CSNK2A2: variants seen among roughly 807,000 people sequenced by gnomAD.
The protein encoded by CSNK2A2 is casein kinase II subunit alpha'.
CSNK2A2 carries 8 observed loss-of-function variants against 54.0 expected under a neutral mutation model. That is an observed-to-expected ratio of 0.15 (90% confidence interval 0.09 to 0.27). The LOEUF is 0.27. Ranked by LOEUF, CSNK2A2 falls within the 10% of genes least tolerant of loss-of-function variation. The pLI is 1.00. For missense variants in CSNK2A2, 242 were observed against 439.4 expected (o/e 0.55, Z 4.02); for synonymous variants, 141 against 153.9 (o/e 0.92, Z 0.62).
chr16:58,187,910 G>A (rs1287610694), intron 2 of CSNK2A2, among the ~76,000 whole-genome samples: 1 of 152,196 alleles, frequency 6.6e-6, no homozygotes, highest in Non-Finnish European at 1.5e-5. Context: ...TGTGGCTAAC[G>A]GGAGAAACGT....
chr16:58,172,687 T>C (rs562872044), intron 5 of CSNK2A2, among the ~76,000 whole-genome samples: 1 of 152,398 alleles, frequency 6.6e-6, no homozygotes, highest in African/African-American at 2.4e-5. Context: ...TCGGACTCCC[T>C]ATGGAGTTAC....
At chr16:58,167,162 G>A (rs750524461) in intron 8 of CSNK2A2, 45 bp downstream of exon 8, 1 of 1,364,488 alleles carries the variant, frequency 7.3e-7, no homozygotes, top group Non-Finnish European at 1.0e-6. Flanking sequence ...CTATTTTTTT[G>A]GCATTCACCC....
chr16:58,190,359 C>T (rs1230995574), intron 2 of CSNK2A2, among the ~76,000 whole-genome samples: 2 of 151,996 alleles, frequency 1.3e-5, no homozygotes, highest in African/African-American at 4.8e-5. Context: ...ACTCTACTAC[C>T]AAACTAACAA....
intron 2 of CSNK2A2, among the ~76,000 whole-genome samples, chr16:58,188,791 GGT>G (rs1026940110): frequency 2.6e-5 from 4 of 152,078 alleles, no homozygotes; most frequent in Admixed American, 6.5e-5. Flanking sequence ...TCATTATATA[GGT>G]GTGTGTATAT....
chr16:58,172,597 T>G (rs1430721777), intron 5 of CSNK2A2, among the ~76,000 whole-genome samples: 4 of 152,232 alleles, frequency 2.6e-5, no homozygotes, highest in Non-Finnish European at 2.9e-5. Context: ...CCACAATACC[T>G]GGCATGTGAA....
chr16:58,194,665 T>C (rs1597127324), intron 2 of CSNK2A2, among the ~76,000 whole-genome samples: 2 of 152,222 alleles, frequency 1.3e-5, no homozygotes, highest in Admixed American at 1.3e-4. Context: ...GTAAGAGATA[T>C]GAAGAAATAG....
intron 2 of CSNK2A2, among the ~76,000 whole-genome samples, chr16:58,191,293 T>C (rs1962315380): frequency 6.6e-6 from 1 of 152,180 alleles, no homozygotes; most frequent in African/African-American, 2.4e-5. Flanking sequence ...TGGACGGCAG[T>C]GATGGTTGCA....
intron 4 of CSNK2A2, among the ~76,000 whole-genome samples, chr16:58,181,036 AATG>A (rs1962025819): frequency 1.3e-5 from 2 of 152,230 alleles, no homozygotes; most frequent in South Asian, 4.1e-4. Context: ...TCTGATATTT[AATG>A]ATCTCTTGAT....
chr16:58,194,924 T>A (rs1597127488), intron 2 of CSNK2A2, among the ~76,000 whole-genome samples: 1 of 145,540 alleles, frequency 6.9e-6, no homozygotes. Context: ...GCTGTTCCTT[T>A]AAAAAAAAAA....
intron 2 of CSNK2A2, among the ~76,000 whole-genome samples, chr16:58,188,316 C>A (rs887806962): frequency 6.6e-6 from 1 of 152,198 alleles, no homozygotes; most frequent in Non-Finnish European, 1.5e-5. Flanking sequence ...GCATGTTCCC[C>A]GACTCCACTT....
chr16:58,180,917 G>A (rs1962021485), intron 4 of CSNK2A2, among the ~76,000 whole-genome samples: 1 of 152,120 alleles, frequency 6.6e-6, no homozygotes, highest in African/African-American at 2.4e-5. Flanking sequence ...AAAGACTAAA[G>A]GACATCACGA....
intron 3 of CSNK2A2, among the ~76,000 whole-genome samples, chr16:58,185,349 G>A (rs1238787580): frequency 6.6e-6 from 1 of 152,182 alleles, no homozygotes; most frequent in Non-Finnish European, 1.5e-5. Context: ...TTCTCTCAAC[G>A]GGAGAATAGT....
Position 58,197,170 on chromosome 16 carries a change from C to A in CSNK2A2, c.105-326G>T, listed in dbSNP as rs1962478329. On this transcript the variant is annotated intron_variant, in intron 1 of 11. Transcript: ENST00000262506. The surrounding 1 kb of genome is among the most constrained non-coding windows in gnomAD (Gnocchi z 4.0). ...CCCCGCGGCTCCCCAGCACCTGCTT[C>A]TCGTTTCACATCTTCAAGGTAGACA... 1.8e-5 allele frequency: 6 copies of A among 340,400 alleles called. No homozygotes were observed. The South Asian group carries it at 2.3e-4, about 13-fold the overall frequency. The allele number at this position is 340,400 out of a possible 1,614,324, so 21.1% of individuals were successfully genotyped here. A position where few individuals can be genotyped will look rare whatever the true frequency, so the allele number is the denominator to read the frequency against.
At chr16:58,161,662 A>C (rs1961375908) in intron 11 of CSNK2A2, 2 of 152,132 alleles carry the variant, frequency 1.3e-5, no homozygotes. Context: ...TAGGTTTGGA[A>C]ACAAAAATGG....
rs997598672 is a variant in CSNK2A2, at chr16:58,197,190, T to C, written c.105-346A>G. 16 of 310,378 alleles carry C rather than the reference T, an allele frequency of 5.2e-5. No individual in the cohort carries two copies. The highest frequency in any genetic ancestry group is 3.1e-4 in the South Asian group (7 of 22,890). 19.2% of individuals were successfully genotyped at this position (310,378 alleles called of 1,614,324 possible). A position where few individuals can be genotyped will look rare whatever the true frequency, so the allele number is the denominator to read the frequency against. ...TGCTTCTCGTTTCACATCTTCAAGG[T>C]AGACAATGCCTGTTTTAAAAATCTG... On this transcript the variant is annotated intron_variant, in intron 1 of 11. Transcript: ENST00000262506. This position sits in a 1 kb window ranked among gnomAD's most constrained non-coding sequence, Gnocchi z 4.0.
intron 2 of CSNK2A2, among the ~76,000 whole-genome samples, chr16:58,187,513 C>T (rs1962220823): frequency 6.6e-6 from 1 of 152,194 alleles, no homozygotes; most frequent in East Asian, 1.9e-4. Context: ...TCTAACTTTT[C>T]AGTCTGCTGG....
At chr16:58,191,672 T>C (rs563511587) in intron 2 of CSNK2A2, among the ~76,000 whole-genome samples, 1 of 146,576 alleles carries the variant, frequency 6.8e-6, no homozygotes, top group Non-Finnish European at 1.5e-5. Context: ...CTATGTTACA[T>C]GTATTTTAAC....
intron 4 of CSNK2A2, among the ~76,000 whole-genome samples, chr16:58,181,874 A>G (rs960794780): frequency 5.3e-5 from 8 of 152,294 alleles, no homozygotes; most frequent in Non-Finnish European, 1.2e-4. Flanking sequence ...GCAAATGAGA[A>G]AATCCTAAAA....
intron 4 of CSNK2A2, among the ~76,000 whole-genome samples, chr16:58,174,755 A>C (rs905233752): frequency 1.3e-5 from 2 of 152,234 alleles, no homozygotes; most frequent in African/African-American, 2.4e-5. Flanking sequence ...GCCAACTCAG[A>C]TCTTTCCTAT....
Sources: gnomAD v4.1 joint callset for allele counts (sites outside exome capture counted in the v4.1 genomes callset) on GRCh38, gnomAD v4.1.1 for gene constraint, Gnocchi (gnomAD v3.1) non-coding constraint, MANE v1.5 for transcripts, NCBI Gene and HGNC (gene_info 2026-07-23, HGNC 2026-07-21) for gene names.